OLFM4: variants seen among roughly 807,000 people sequenced by gnomAD.
OLFM4 encodes olfactomedin 4.
A neutral mutation model predicts 25.5 loss-of-function variants in OLFM4; 22 were observed. The ratio of observed to expected loss-of-function variants is 0.86; its 90% CI spans 0.62 to 1.23. OLFM4 has a LOEUF of 1.23. Among genes scored for constraint, OLFM4 ranks in the 50% most tolerant of loss-of-function variants. The pLI is 0.00. For synonymous variants in OLFM4, 255 were observed against 237.7 expected (o/e 1.07, Z -0.67); for missense variants, 594 against 619.4 (o/e 0.96, Z 0.44).
chr13:53,043,367 G>GTT, intron 4 of OLFM4, 103 bp downstream of exon 4: 1 of 763,892 alleles, frequency 1.3e-6, no homozygotes, highest in South Asian at 4.5e-5. Flanking sequence ...GAAGAAGGTG[G>GTT]GTTGTTTTTT....
At chr13:53,045,841 G>A (rs1251800147) in intron 4 of OLFM4, among the ~76,000 whole-genome samples, 1 of 152,038 alleles carries the variant, frequency 6.6e-6, no homozygotes, top group African/African-American at 2.4e-5. Context: ...TAAAATAATT[G>A]GCCTTCTACT....
intron 1 of OLFM4, among the ~76,000 whole-genome samples, chr13:53,033,154 AG>A (rs1954637951): frequency 6.6e-6 from 1 of 152,218 alleles, no homozygotes; most frequent in Non-Finnish European, 1.5e-5. Flanking sequence ...GGAAGTTCAA[AG>A]GGGACAAAAG....
At chr13:53,048,973 C>G (rs1954730012) in intron 4 of OLFM4, among the ~76,000 whole-genome samples, 1 of 152,110 alleles carries the variant, frequency 6.6e-6, no homozygotes, top group African/African-American at 2.4e-5. Flanking sequence ...AGCTCATAAA[C>G]TCCTGGGATG....
intron 1 of OLFM4, 85 bp from the exon 2 acceptor site, chr13:53,034,263 C>T: frequency 1.4e-6 from 2 of 1,405,506 alleles, no homozygotes; most frequent in Non-Finnish European, 2.0e-6. Context: ...TGTAAGTACT[C>T]TCGACAAGCC....
At chr13:53,029,877 A>G (rs1396953985) in intron 1 of OLFM4, among the ~76,000 whole-genome samples, 5 of 152,196 alleles carry the variant, frequency 3.3e-5, no homozygotes, top group Non-Finnish European at 7.3e-5. Flanking sequence ...CTTTAAAGAA[A>G]GGAGAATGGG....
At chr13:53,035,568 A>G (rs1253294239) in intron 2 of OLFM4, among the ~76,000 whole-genome samples, 1 of 152,104 alleles carries the variant, frequency 6.6e-6, no homozygotes, top group African/African-American at 2.4e-5. Flanking sequence ...CTTTCTAACT[A>G]CTTTTATTTT....
rs371456757 is a variant in OLFM4 at position 53,042,020 on chromosome 13, C to T, written c.468C>T (p.Phe156=). The change falls in exon 3 of 5, where the codon TTC becomes TTT. Residue 156 remains phenylalanine (F), a synonymous_variant. Coordinates refer to ENST00000219022, the MANE Select transcript of OLFM4 (RefSeq NM_006418.5). The stretch of plus-strand genomic sequence containing the variant: ...CCATTTCTTACACTGAACTGGACTT[C>T]GAGCTGATCAAGGTAGAAGTGAAGG... ...KDTISYTELD[F]ELIKVEVKEM... is the part of the protein sequence containing the mutation. 1.8e-5 allele frequency: 29 copies of T among 1,613,960 alleles called. No homozygotes were observed. The highest frequency in any genetic ancestry group is 4.5e-5 in the East Asian group (2 of 44,862).
intron 2 of OLFM4, among the ~76,000 whole-genome samples, chr13:53,039,539 T>C (rs796657952): frequency 1.6e-4 from 25 of 152,364 alleles, no homozygotes; most frequent in African/African-American, 6.0e-4. Flanking sequence ...CAATGATTTA[T>C]ATAGCATTTA....
In OLFM4 at chr13:53,028,878, C is replaced by T; in HGVS notation, c.42C>T (p.Phe14=). The T allele has an allele frequency of 6.2e-7, 1 of 1,614,240 alleles. No homozygotes were observed. Among genetic ancestry groups the T allele is most frequent in the Non-Finnish European group, 8.5e-7 (1 of 1,180,040 alleles). Reference sequence around the variant, plus strand: ...CATTTCTCCTAGCCCTTCTGTTCTTCCTTGGCCAAGCTGCAGGGGATTTGG... The same window carrying T: ...CATTTCTCCTAGCCCTTCTGTTCTTTCTTGGCCAAGCTGCAGGGGATTTGG... The part of the protein sequence containing the change: ...GLSFLLALLF[F]LGQAAGDLGD... Residue 14 remains phenylalanine (F), a synonymous_variant, in exon 1 of 5, where the codon TTC becomes TTT. Coordinates refer to ENST00000219022, the MANE Select transcript of OLFM4 (RefSeq NM_006418.5).
chr13:53,044,765 G>A (rs1177915462), intron 4 of OLFM4, among the ~76,000 whole-genome samples: 3 of 152,168 alleles, frequency 2.0e-5, no homozygotes, highest in Admixed American at 2.0e-4. Context: ...AATTTAGTCT[G>A]GGATTAGTGG....
At chr13:53,031,638 G>C (rs547374367) in intron 1 of OLFM4, among the ~76,000 whole-genome samples, 3 of 152,184 alleles carry the variant, frequency 2.0e-5, no homozygotes, top group South Asian at 2.1e-4. Context: ...AGGCTACAAG[G>C]CTGGTTTGAA....
At chr13:53,047,629 A>G (rs528309875) in intron 4 of OLFM4, among the ~76,000 whole-genome samples, 1 of 152,258 alleles carries the variant, frequency 6.6e-6, no homozygotes, top group East Asian at 1.9e-4. Context: ...TTTAATATTT[A>G]CACTGGGCAA....
At chr13:53,036,082 C>T (rs760129592) in intron 2 of OLFM4, among the ~76,000 whole-genome samples, 42 of 152,134 alleles carry the variant, frequency 2.8e-4, no homozygotes, top group Non-Finnish European at 5.6e-4. Flanking sequence ...TCCTTTAAAA[C>T]AAAAATTATG....
intron 1 of OLFM4, among the ~76,000 whole-genome samples, chr13:53,030,182 T>G (rs1270815038): frequency 6.6e-6 from 1 of 152,238 alleles, no homozygotes; most frequent in African/African-American, 2.4e-5. Flanking sequence ...AATAAAAATG[T>G]GATAATTAAC....
At position 53,049,962 on chromosome 13, in the gene OLFM4, T is replaced by G; in HGVS notation, c.731-7T>G. 2 of 1,571,514 alleles carry G rather than the reference T, an allele frequency of 1.3e-6. No homozygotes were observed. Among genetic ancestry groups the G allele is most frequent in the African/African-American group, 1.4e-5 (1 of 73,160 alleles). On this transcript the variant is annotated splice_region_variant and splice_polypyrimidine_tract_variant and intron_variant, in intron 4 of 4. Coordinates refer to ENST00000219022, the MANE Select transcript of OLFM4 (RefSeq NM_006418.5). ...AAAAATGCCTTTTTATTTTCTTGTT[T>G]GTATAGGGAGCTGTGGTCATGGTGG...
At chr13:53,049,394 A>G (rs915843605) in intron 4 of OLFM4, among the ~76,000 whole-genome samples, 1 of 152,118 alleles carries the variant, frequency 6.6e-6, no homozygotes, top group Non-Finnish European at 1.5e-5. Context: ...TTAAAGCAGG[A>G]TTGGTACCTG....
chr13:53,050,671 T>C lies in OLFM4; in HGVS notation c.1433T>C (p.Val478Ala). 6.2e-7 allele frequency: 1 copy of C among 1,613,906 alleles called. No homozygotes were observed. The highest frequency in any genetic ancestry group is 8.5e-7 in the Non-Finnish European group (1 of 1,179,932). The change falls in exon 5 of 5, where the codon GTG becomes GCG. Residue 478 changes from valine (V) to alanine (A), a missense_variant. By Grantham distance (64) the Val-to-Ala change is moderately conservative. Transcript: ENST00000219022. The stretch of plus-strand genomic sequence containing the variant: ...GTAATGCATAAGATGCAGGAAAAAG[T>C]GCAGAGCATTAACTATAACCCTTTT... ...DIVMHKMQEK[V>A]QSINYNPFDQ...
chr13:53,038,141 G>C (rs139500515), intron 2 of OLFM4, among the ~76,000 whole-genome samples: 1 of 152,122 alleles, frequency 6.6e-6, no homozygotes, highest in Admixed American at 6.5e-5. Flanking sequence ...GACACAGGAC[G>C]TGTCTCCTCA....
chr13:53,029,394 T>G (rs1172208509), intron 1 of OLFM4, among the ~76,000 whole-genome samples: 1 of 152,130 alleles, frequency 6.6e-6, no homozygotes, highest in African/African-American at 2.4e-5. Flanking sequence ...AAATCAAATA[T>G]TTTAAAAAAC....
Sources: gnomAD v4.1 joint callset for allele counts (sites outside exome capture counted in the v4.1 genomes callset) on GRCh38, gnomAD v4.1.1 for gene constraint, MANE v1.5 for transcripts, NCBI Gene and HGNC (gene_info 2026-07-23, HGNC 2026-07-21) for gene names.